Variants in FAT3 observed in about 807,000 individuals in gnomAD.
The protein encoded by FAT3 is protocadherin Fat 3.
Under a neutral mutation model 310.2 loss-of-function variants are expected in FAT3, and 95 were observed. That is an observed-to-expected ratio of 0.31 (90% CI 0.26 to 0.36). The LOEUF (loss-of-function observed/expected upper bound fraction) is 0.36, where lower values mean the gene tolerates loss of function less well. Among genes scored for constraint, FAT3 ranks in the 10% least tolerant of loss-of-function variants. The pLI is 1.00. For missense variants in FAT3, 5,408 were observed against 5,715.6 expected (o/e 0.95, Z 1.74); for synonymous variants, 2,314 against 2,192.9 (o/e 1.06, Z -1.54).
intron 22 of FAT3, among the ~76,000 whole-genome samples, chr11:92,874,141 A>G (rs937303220): frequency 1.4e-4 from 22 of 152,200 alleles, no homozygotes; most frequent in African/African-American, 5.3e-4. Flanking sequence ...AAAAAAATCA[A>G]TTTTTTAAGA....
At chr11:92,849,419 C>T (rs773151043) in intron 19 of FAT3, among the ~76,000 whole-genome samples, 1 of 152,190 alleles carries the variant, frequency 6.6e-6, no homozygotes, top group South Asian at 2.1e-4. Context: ...ACACCAGGAC[C>T]TCTCTCCTTG....
intron 22 of FAT3, among the ~76,000 whole-genome samples, chr11:92,878,673 G>T (rs373451123): frequency 2.4e-5 from 1 of 42,448 alleles, no homozygotes; most frequent in Non-Finnish European, 5.5e-5. Flanking sequence ...AAAAAGCTCC[G>T]CACAAAAAAA....
chr11:92,237,893 G>A (rs1282374483), intron 1 of FAT3, among the ~76,000 whole-genome samples: 1 of 152,174 alleles, frequency 6.6e-6, no homozygotes, highest in Non-Finnish European at 1.5e-5. Context: ...AAATGGGAAT[G>A]TGGTGTGGGG....
At chr11:92,553,680 C>CCTTCCTTCCTTCCTTCCTTCCTTCCTTT (rs1954900758) in intron 3 of FAT3, among the ~76,000 whole-genome samples, 1 of 32,436 alleles carries the variant, frequency 3.1e-5, no homozygotes, top group Non-Finnish European at 7.3e-5. Flanking sequence ...TCCGTCCCTT[C>CCTTCCTTCCTTCCTTCCTTCCTTCCTTT]CTTCCTTCCT....
chr11:92,724,479 T>C (rs1194089427), intron 4 of FAT3, among the ~76,000 whole-genome samples: 2 of 152,226 alleles, frequency 1.3e-5, no homozygotes, highest in African/African-American at 4.8e-5. Context: ...ATTTGATGGA[T>C]ATTTTTAGAG....
At chr11:92,641,033 C>T (rs929368793) in intron 3 of FAT3, among the ~76,000 whole-genome samples, 5 of 152,122 alleles carry the variant, frequency 3.3e-5, no homozygotes, top group Non-Finnish European at 5.9e-5. Context: ...CCTGTCTCAA[C>T]AAAACATACA....
chr11:92,843,248 T>C (rs899003419), intron 18 of FAT3, among the ~76,000 whole-genome samples: 1 of 152,180 alleles, frequency 6.6e-6, no homozygotes, highest in African/African-American at 2.4e-5. Context: ...CATCTTCAGA[T>C]ACCTGCTCCA....
intron 4 of FAT3, among the ~76,000 whole-genome samples, chr11:92,736,014 T>C (rs1206687987): frequency 6.6e-6 from 1 of 152,148 alleles, no homozygotes; most frequent in East Asian, 1.9e-4. Context: ...AAAACCAGCA[T>C]TCTTATGGCA....
At chr11:92,879,741 G>A (rs1259890784) in intron 22 of FAT3, among the ~76,000 whole-genome samples, 1 of 151,994 alleles carries the variant, frequency 6.6e-6, no homozygotes, top group African/African-American at 2.4e-5. Context: ...AAAGCATAGT[G>A]GAAAGCTAAT....
chr11:92,783,390 C>CTA (rs1946805723), intron 7 of FAT3, among the ~76,000 whole-genome samples: 1 of 148,660 alleles, frequency 6.7e-6, no homozygotes, highest in Admixed American at 6.7e-5. Context: ...AGGCAGTGGC[C>CTA]TATACTTCCC....
chr11:92,860,814 G>A lies in FAT3; in HGVS notation c.11658+1492G>A, dbSNP rs572760094. 8.5e-5 allele frequency among the ~76,000 whole-genome samples: 13 copies of A among 152,278 alleles called. 1 individual carries two copies. The highest frequency in any genetic ancestry group is 3.9e-4 in the Admixed American group (6 of 15,300). On this transcript the variant is annotated intron_variant, in intron 21 of 27. Transcript: ENST00000525166. The stretch of plus-strand genomic sequence containing the variant: ...ATCACATAGGGCTTTACTTACCCAC[G>A]TCTGGTATTGCCAGGTATTATTTGA...
chr11:92,414,044 G>A (rs971813152), intron 2 of FAT3, among the ~76,000 whole-genome samples: 4 of 152,090 alleles, frequency 2.6e-5, no homozygotes, highest in Non-Finnish European at 2.9e-5. Context: ...GAGGTCTGGC[G>A]GTGCTGCCTT....
intron 4 of FAT3, among the ~76,000 whole-genome samples, chr11:92,724,173 G>A (rs994602673): frequency 6.6e-6 from 1 of 152,152 alleles, no homozygotes; most frequent in Non-Finnish European, 1.5e-5. Context: ...GAACTGGTGA[G>A]AGGGCTAACT....
intron 4 of FAT3, among the ~76,000 whole-genome samples, chr11:92,748,425 C>A (rs1945736245): frequency 6.6e-6 from 1 of 152,134 alleles, no homozygotes; most frequent in Non-Finnish European, 1.5e-5. Flanking sequence ...CTCTTTAATT[C>A]TGTTTTTCTC....
At chr11:92,483,173 A>C (rs1352341542) in intron 2 of FAT3, among the ~76,000 whole-genome samples, 1 of 152,194 alleles carries the variant, frequency 6.6e-6, no homozygotes, top group Non-Finnish European at 1.5e-5. Context: ...ACTAGAGTGT[A>C]CAGGTAACAC....
At chr11:92,822,048 T>G (rs1014635595) in intron 13 of FAT3, among the ~76,000 whole-genome samples, 2 of 152,324 alleles carry the variant, frequency 1.3e-5, no homozygotes, top group Middle Eastern at 6.8e-3. Context: ...ATAATGCCTT[T>G]CCCTATTTAG....
intron 3 of FAT3, among the ~76,000 whole-genome samples, chr11:92,620,471 C>T (rs1941034068): frequency 6.6e-6 from 1 of 152,122 alleles, no homozygotes. Flanking sequence ...TAGTATAAAT[C>T]TTGTGCTGAT....
chr11:92,792,942 G>A lies in FAT3; in HGVS notation c.4787G>A (p.Gly1596Glu). ...LQVTALDKDK[G>E]ENAELIYTIE... ...GTGACGGCTCTGGACAAAGACAAAG[G>A]AGAAAATGCAGAACTCATATATACC... Residue 1596 changes from glycine (G) to glutamate (E), a missense_variant, in exon 9 of 28, where the codon GGA becomes GAA. Gly to Glu is a moderately conservative substitution (Grantham distance 98, BLOSUM62 -2). Coordinates refer to ENST00000525166, the MANE Select transcript of FAT3 (RefSeq NM_001367949.2). 6.2e-7 allele frequency: 1 copy of A among 1,613,722 alleles called. No individual in the cohort carries two copies. Among genetic ancestry groups the A allele is most frequent in the Non-Finnish European group, 8.5e-7 (1 of 1,179,766 alleles).
chr11:92,783,369 A>AT (rs1946804562), intron 7 of FAT3, among the ~76,000 whole-genome samples: 2 of 150,812 alleles, frequency 1.3e-5, no homozygotes, highest in Admixed American at 1.3e-4. Context: ...AAAAAAAAAA[A>AT]AAAAAAAAAA....
Sources: gnomAD v4.1 joint callset for allele counts (sites outside exome capture counted in the v4.1 genomes callset) on GRCh38, gnomAD v4.1.1 for gene constraint, MANE v1.5 for transcripts, NCBI Gene and HGNC (gene_info 2026-07-23, HGNC 2026-07-21) for gene names.